The following MPST variants were observed in gnomAD, a reference collection of about 807,000 sequenced individuals.
MPST encodes 3-mercaptopyruvate sulfurtransferase.
In MPST, 27 loss-of-function variants were observed where a neutral mutation model predicts 28.5. The ratio of observed to expected loss-of-function variants is 0.95; its 90% CI spans 0.70 to 1.31. The LOEUF is 1.31. Ranked by LOEUF, MPST falls within the 50% of genes most tolerant of loss-of-function variation. MPST has a pLI of 0.00. For missense variants in MPST, 492 were observed against 471.1 expected (o/e 1.04, Z -0.41); for synonymous variants, 204 against 209.3 (o/e 0.97, Z 0.22).
In MPST at chr22:37,024,123, C is replaced by G. The variant is rs112260704; in HGVS notation, c.37-69C>G. The G allele has an allele frequency of 6.1e-3, 8,164 of 1,340,822 alleles. 443 individuals carry two copies. In the African/African-American group the frequency reaches 0.11, roughly 18 times the overall value. 83.1% of individuals were successfully genotyped at this position (1,340,822 alleles called of 1,614,324 possible). A position where few individuals can be genotyped will look rare whatever the true frequency, so the allele number is the denominator to read the frequency against. On this transcript the variant is annotated intron_variant, in intron 1 of 2. Coordinates refer to ENST00000429360, the MANE Select transcript of MPST (RefSeq NM_021126.8). ...TCCCCCGCCGGCCCTCGCCCATGCT[C>G]CAGCCCCAGCCCTAGCCCCAACAGC...
Position 37,029,573 on chromosome 22 carries a change from G to C in MPST, c.*59G>C. On this transcript the variant is annotated 3_prime_UTR_variant, in exon 3 of 3. Transcript: ENST00000429360. ...CCGGCCACCAGCAATGCCTGGCCTG[G>C]TAGCTCCGCTTCTGCTTTCACCAAG... is the stretch of plus-strand genomic sequence containing the variant. 6.8e-7 allele frequency: 1 copy of C among 1,478,278 alleles called. No homozygotes were observed. Among genetic ancestry groups the C allele is most frequent in the Non-Finnish European group, 9.1e-7 (1 of 1,095,170 alleles). The allele number at this position is 1,478,278 out of a possible 1,614,324, so 91.6% of individuals were successfully genotyped here.
chr22:37,023,793 G>A (rs749567137), intron 1 of MPST: 7 of 1,198,892 alleles, frequency 5.8e-6, no homozygotes, highest in African/African-American at 1.6e-5. Context: ...AATGACTTCC[G>A]TCTGGGACTT....
chr22:37,019,963 G>A, intron 1 of MPST, 91 bp downstream of exon 1: 1 of 591,558 alleles, frequency 1.7e-6, no homozygotes, highest in Non-Finnish European at 2.5e-6. Flanking sequence ...CGCGGGACCT[G>A]GGCGGAAGAG....
chr22:37,029,143 G>A (rs1189852791), intron 2 of MPST, 73 bp from the exon 3 acceptor site: 12 of 1,395,002 alleles, frequency 8.6e-6, no homozygotes, highest in Middle Eastern at 3.6e-4. Context: ...TCAATATCTC[G>A]AGCACCACAA....
In MPST at chr22:37,024,669, G is replaced by GCCGAGTT; in HGVS notation, c.518_524dup (p.Ala176ValfsTer48). 1 of 1,598,912 alleles carries GCCGAGTT rather than the reference G, an allele frequency of 6.3e-7. No individual in the cohort carries two copies. The highest frequency in any genetic ancestry group is 8.5e-7 in the Non-Finnish European group (1 of 1,179,568). The stretch of plus-strand genomic sequence containing the variant: ...CTCCGGCAAGAGCCAACCTGCTCCC[G>GCCGAGTT]CCGAGTTCCGCGCTCAGCTCGACCC... On this transcript the variant is annotated frameshift_variant, in exon 2 of 3. Transcript: ENST00000429360. LOFTEE classifies it high-confidence loss of function.
rs1365426910 is a variant in MPST at position 37,024,598 on chromosome 22, T to C, written c.443T>C (p.Leu148Pro). 6.3e-7 allele frequency: 1 copy of C among 1,594,514 alleles called. No individual in the cohort carries two copies. Among genetic ancestry groups the C allele is most frequent in the Non-Finnish European group, 8.5e-7 (1 of 1,176,850 alleles). ...RAFGHHAVSL[L>P]DGGLRHWLRQ... ...TTCGGCCACCACGCCGTGTCACTGC[T>C]TGATGGCGGCCTCCGCCACTGGCTG... The change falls in exon 2 of 3, where the codon CTT becomes CCT. Residue 148 changes from leucine (L) to proline (P), a missense_variant. Leu to Pro is a moderately conservative substitution (Grantham distance 98). Coordinates refer to ENST00000429360, the MANE Select transcript of MPST (RefSeq NM_021126.8).
chr22:37,029,258 TCA>T lies in MPST; in HGVS notation c.701_702del (p.Thr234ArgfsTer13). On this transcript the variant is annotated frameshift_variant, in exon 3 of 3. Transcript: ENST00000429360. LOFTEE classifies it high-confidence loss of function. ...ATCCCAGGTACCGTGAACATCCCCT[TCA>T]CAGACTTCCTGAGCCAGGAGGGGCT... 6.2e-7 allele frequency: 1 copy of T among 1,614,134 alleles called. No individual in the cohort carries two copies.
chr22:37,029,298 T>C lies in MPST; in HGVS notation c.738T>C (p.Pro246=). Residue 246 remains proline (P), a synonymous_variant, in exon 3 of 3, where the codon CCT becomes CCC. Transcript: ENST00000429360. ...GCCAGGAGGGGCTGGAGAAGAGCCC[T>C]GAGGAGATCCGCCATCTGTTCCAGG... is the stretch of plus-strand genomic sequence containing the variant. ...FLSQEGLEKS[P]EEIRHLFQEK... is the part of the protein sequence containing the mutation. 6 of 1,614,156 alleles carry C rather than the reference T, an allele frequency of 3.7e-6. No individual in the cohort carries two copies. The highest frequency in any genetic ancestry group is 5.1e-6 in the Non-Finnish European group (6 of 1,180,012).
At position 37,024,214 on chromosome 22, in the gene MPST, C is replaced by T. The variant is rs1447248611; in HGVS notation, c.59C>T (p.Ala20Val). 7.2e-7 allele frequency: 1 copy of T among 1,384,362 alleles called. No individual in the cohort carries two copies. Among genetic ancestry groups the T allele is most frequent in the South Asian group, 1.6e-5 (1 of 61,726 alleles). 85.8% of individuals were successfully genotyped at this position (1,384,362 alleles called of 1,614,324 possible). ...CAGGCCCGCAGCCCGAGTGTCGCCG[C>T]CATGGCTTCGCCGCAGCTCTGCCGC... ...ETRARSPSVA[A>V]MASPQLCRAL... The change falls in exon 2 of 3, where the codon GCC becomes GTC. Residue 20 changes from alanine (A) to valine (V), a missense_variant. By Grantham distance (64) the Ala-to-Val change is moderately conservative. Transcript: ENST00000429360.
intron 1 of MPST, among the ~76,000 whole-genome samples, chr22:37,020,373 G>A (rs935320737): frequency 5.3e-5 from 8 of 152,116 alleles, no homozygotes; most frequent in East Asian, 1.9e-4. Context: ...AGTTGAGGCC[G>A]GGCCTGATCC....
chr22:37,029,132 C>T, intron 2 of MPST, 84 bp from the exon 3 acceptor site: 1 of 1,289,458 alleles, frequency 7.8e-7, no homozygotes, highest in Non-Finnish European at 1.1e-6. Flanking sequence ...ATGGGATGCT[C>T]TCAATATCTC....
Position 37,024,264 on chromosome 22 carries a change from G to A in MPST, c.109G>A (p.Ala37Thr). Residue 37 changes from alanine (A) to threonine (T), a missense_variant, in exon 2 of 3, where the codon GCG (alanine) becomes ACG (threonine). Ala to Thr is a moderately conservative substitution (Grantham distance 58, BLOSUM62 0). Transcript: ENST00000429360. ...CGCGCTGGTGTCGGCGCAATGGGTG[G>A]CGGAGGCGCTGCGGGCCCCGCGCGC... ...CRALVSAQWVAEALRAPRAGQ... is the reference protein window; with the variant it reads ...CRALVSAQWVTEALRAPRAGQ... 6.8e-7 allele frequency: 1 copy of A among 1,461,890 alleles called. No individual in the cohort carries two copies. The highest frequency in any genetic ancestry group is 1.5e-5 in the African/African-American group (1 of 67,592). The allele number at this position is 1,461,890 out of a possible 1,614,324, so 90.6% of individuals were successfully genotyped here.
chr22:37,020,173 A>G, intron 1 of MPST: 1 of 352,784 alleles, frequency 2.8e-6, no homozygotes. Context: ...CAGAGGCCCC[A>G]GGAAGAGACA....
intron 1 of MPST, among the ~76,000 whole-genome samples, chr22:37,021,987 C>G (rs1923109833): frequency 6.6e-6 from 1 of 152,110 alleles, no homozygotes; most frequent in Non-Finnish European, 1.5e-5. Context: ...GGCTCCTAAA[C>G]CAGGGCTCTT....
intron 1 of MPST, 84 bp downstream of exon 1, chr22:37,019,956 G>C: frequency 1.3e-5 from 9 of 669,688 alleles, no homozygotes; most frequent in Non-Finnish European, 1.9e-5. Flanking sequence ...GCTCCCGCGC[G>C]GGACCTGGGC....
chr22:37,025,829 G>T (rs1476444047), intron 2 of MPST: 4 of 152,258 alleles, frequency 2.6e-5, no homozygotes, highest in Non-Finnish European at 5.9e-5. Flanking sequence ...CATTCCCATG[G>T]CTACAGATTG....
chr22:37,022,684 A>T (rs890292549), intron 1 of MPST, among the ~76,000 whole-genome samples: 3 of 152,194 alleles, frequency 2.0e-5, no homozygotes, highest in Non-Finnish European at 2.9e-5. Flanking sequence ...AGGCGTCCTA[A>T]TACCCGCCCA....
In MPST at chr22:37,024,181, C is replaced by CT. The variant is rs1445824862; in HGVS notation, c.37-10dup. 2 of 1,374,844 alleles carry CT rather than the reference C, an allele frequency of 1.5e-6. No homozygotes were observed. The highest frequency in any genetic ancestry group is 6.0e-5 in the East Asian group (2 of 33,612). The allele number at this position is 1,374,844 out of a possible 1,614,324, so 85.2% of individuals were successfully genotyped here. ...CCCTGCTTCCCTTCTGACATCCTCC[C>CT]TGTCGCCCAGGCCCGCAGCCCGAGT... On this transcript the variant is annotated splice_polypyrimidine_tract_variant and intron_variant, in intron 1 of 2. Coordinates refer to ENST00000429360, the MANE Select transcript of MPST (RefSeq NM_021126.8).
intron 1 of MPST, chr22:37,020,179 A>C: frequency 2.9e-6 from 1 of 345,246 alleles, no homozygotes. Context: ...CCCCAGGAAG[A>C]GACACTAGCC....
Sources: gnomAD v4.1 joint callset for allele counts (sites outside exome capture counted in the v4.1 genomes callset) on GRCh38, gnomAD v4.1.1 for gene constraint, MANE v1.5 for transcripts, NCBI Gene and HGNC (gene_info 2026-07-23, HGNC 2026-07-21) for gene names.